The following FSHR variants were observed in gnomAD, a reference collection of about 807,000 sequenced individuals.
The protein encoded by FSHR is follicle-stimulating hormone receptor.
In FSHR, 46 loss-of-function variants were observed where a neutral mutation model predicts 52.1. The ratio of observed to expected loss-of-function variants is 0.88; its 90% CI spans 0.70 to 1.13. The LOEUF (loss-of-function observed/expected upper bound fraction) is 1.13. Ranked by LOEUF, FSHR falls within the 50% of genes most tolerant of loss-of-function variation. The pLI is 0.00. For missense variants in FSHR, 964 were observed against 834.6 expected, an observed-to-expected ratio of 1.16 and a Z score of -1.91; for synonymous variants, 399 against 309.6, an observed-to-expected ratio of 1.29 and a Z score of -3.03.
chr2:49,046,348 A>G (rs1293717243), intron 2 of FSHR, among the ~76,000 whole-genome samples: 1 of 152,210 alleles, frequency 6.6e-6, no homozygotes, highest in African/African-American at 2.4e-5. Context: ...TTTTGCATTC[A>G]TAAATATCTC....
At chr2:49,122,433 TACA>T (rs1226764786) in intron 1 of FSHR, among the ~76,000 whole-genome samples, 2 of 152,204 alleles carry the variant, frequency 1.3e-5, no homozygotes, top group African/African-American at 4.8e-5. Flanking sequence ...GGGGTCTTCT[TACA>T]CTTGTCTCTT....
chr2:49,150,142 A>C (rs1212689769), intron 1 of FSHR, among the ~76,000 whole-genome samples: 1 of 152,098 alleles, frequency 6.6e-6, no homozygotes, highest in Admixed American at 6.6e-5. Context: ...GGTGAAGCTG[A>C]GTTTCTAAGA....
chr2:49,142,076 T>C (rs540919298), intron 1 of FSHR, among the ~76,000 whole-genome samples: 1 of 152,336 alleles, frequency 6.6e-6, no homozygotes, highest in Non-Finnish European at 1.5e-5. Flanking sequence ...TCCTTCTAGT[T>C]ATTATTTGCT....
rs1558457105 is a variant in FSHR, at chr2:49,127,898, C to CTTCTTCTTTT, written c.152+26367_152+26368insAAAAGAAGAA. ...TCTTCTTCTTCTTCTTCTTCTTCTT[C>CTTCTTCTTTT]TTTTTTTTTTTTGAGACGGAGTCTT... is the stretch of plus-strand genomic sequence containing the variant. On this transcript the variant is annotated intron_variant, in intron 1 of 9. Transcript: ENST00000406846. Among the ~76,000 whole-genome samples, 7 of 27,258 alleles carry CTTCTTCTTTT rather than the reference C, an allele frequency of 2.6e-4. 1 individual carries two copies. The highest frequency in any genetic ancestry group is 5.4e-4 in the African/African-American group (3 of 5,600). 17.9% of individuals were successfully genotyped at this position (27,258 alleles called of 152,430 possible).
intron 1 of FSHR, among the ~76,000 whole-genome samples, chr2:49,074,946 A>G (rs895649968): frequency 6.6e-6 from 1 of 152,186 alleles, no homozygotes; most frequent in Admixed American, 6.5e-5. Context: ...CAGAAAGTTG[A>G]ACACTGTATA....
chr2:48,971,142 T>A (rs1186655086), intron 8 of FSHR, among the ~76,000 whole-genome samples: 1 of 152,174 alleles, frequency 6.6e-6, no homozygotes, highest in Admixed American at 6.5e-5. Flanking sequence ...AGTGTGTTGA[T>A]CATTTGCCTC....
At chr2:49,061,617 T>A (rs1460444890) in intron 2 of FSHR, among the ~76,000 whole-genome samples, 2 of 96,088 alleles carry the variant, frequency 2.1e-5, no homozygotes, top group African/African-American at 9.0e-5. Context: ...TATTTAGATA[T>A]ATAAAAATAC....
chr2:48,993,696 A>G (rs932663822), intron 4 of FSHR, among the ~76,000 whole-genome samples: 3 of 152,088 alleles, frequency 2.0e-5, no homozygotes, highest in African/African-American at 7.2e-5. Context: ...CTACTCTTGC[A>G]CCTTTATCTT....
intron 1 of FSHR, among the ~76,000 whole-genome samples, chr2:49,134,012 G>A (rs1259924992): frequency 6.6e-6 from 1 of 152,160 alleles, no homozygotes; most frequent in Admixed American, 6.5e-5. Flanking sequence ...GCATGGGCAA[G>A]GGCTTCATGA....
chr2:49,101,391 A>T (rs1671021044), intron 1 of FSHR, among the ~76,000 whole-genome samples: 1 of 152,168 alleles, frequency 6.6e-6, no homozygotes, highest in African/African-American at 2.4e-5. Context: ...AGGAGATTAG[A>T]AGAGACACTA....
intron 2 of FSHR, among the ~76,000 whole-genome samples, chr2:49,040,217 G>C (rs1668431064): frequency 6.6e-6 from 1 of 152,088 alleles, no homozygotes; most frequent in Non-Finnish European, 1.5e-5. Flanking sequence ...TTTAGAAAAA[G>C]GCCTTATAAA....
At chr2:49,034,691 C>T (rs1558402829) in intron 2 of FSHR, among the ~76,000 whole-genome samples, 1 of 152,136 alleles carries the variant, frequency 6.6e-6, no homozygotes, top group African/African-American at 2.4e-5. Context: ...GGTGTTATTA[C>T]AGTTTTCTTT....
intron 1 of FSHR, among the ~76,000 whole-genome samples, chr2:49,146,467 T>G (rs1470752522): frequency 6.6e-6 from 1 of 151,996 alleles, no homozygotes. Context: ...CCTCATAAAT[T>G]CTTTGTTTAA....
chr2:49,000,369 C>T (rs1666821128), intron 4 of FSHR, among the ~76,000 whole-genome samples: 1 of 152,068 alleles, frequency 6.6e-6, no homozygotes, highest in Admixed American at 6.6e-5. Context: ...AGAAAATAGG[C>T]CTGACTTGAA....
chr2:49,027,151 T>G (rs1256843992), intron 2 of FSHR, among the ~76,000 whole-genome samples: 1 of 152,212 alleles, frequency 6.6e-6, no homozygotes, highest in Non-Finnish European at 1.5e-5. Flanking sequence ...TCCACCATTT[T>G]TGTCCAAACA....
intron 2 of FSHR, among the ~76,000 whole-genome samples, chr2:49,045,712 A>C (rs1415337610): frequency 6.6e-6 from 1 of 152,188 alleles, no homozygotes; most frequent in Non-Finnish European, 1.5e-5. Flanking sequence ...CCAGCTTTGC[A>C]CTTGGATTTT....
intron 1 of FSHR, among the ~76,000 whole-genome samples, chr2:49,125,034 G>T (rs890418523): frequency 1.6e-4 from 25 of 152,286 alleles, no homozygotes; most frequent in African/African-American, 5.5e-4. Context: ...CAGAGTCACT[G>T]CTCTTGCTTG....
intron 1 of FSHR, among the ~76,000 whole-genome samples, chr2:49,101,214 A>G (rs1279789388): frequency 2.0e-5 from 3 of 152,172 alleles, no homozygotes; most frequent in Non-Finnish European, 4.4e-5. Context: ...CAGGGAAGAG[A>G]TGTTGGAGGG....
At chr2:49,063,566 G>T (rs1307428272) in intron 2 of FSHR, among the ~76,000 whole-genome samples, 1 of 152,058 alleles carries the variant, frequency 6.6e-6, no homozygotes, top group Non-Finnish European at 1.5e-5. Flanking sequence ...AATAAGTTAG[G>T]CACAGAAAGG....
Sources: allele counts gnomAD v4.1 joint callset (sites outside exome capture counted in the v4.1 genomes callset), GRCh38; gene constraint gnomAD v4.1.1; transcripts MANE v1.5; gene names NCBI Gene and HGNC (gene_info 2026-07-23, HGNC 2026-07-21).